Variants in NTM observed in about 807,000 individuals in gnomAD.
NTM encodes neurotrimin.
A neutral mutation model predicts 42.1 loss-of-function variants in NTM; 13 were observed. The ratio of observed to expected loss-of-function variants is 0.31; its 90% CI spans 0.20 to 0.49. The LOEUF (loss-of-function observed/expected upper bound fraction) is 0.49. Ranked by LOEUF, NTM falls within the 20% of genes least tolerant of loss-of-function variation. The probability of loss-of-function intolerance (pLI) is 0.99; values close to 1 mark genes in which losing one functional copy is unlikely to be tolerated. For synonymous variants in NTM, 187 were observed against 179.2 expected (o/e 1.04, Z -0.35); for missense variants, 373 against 452.8 (o/e 0.82, Z 1.60).
intron 1 of NTM, among the ~76,000 whole-genome samples, chr11:131,761,602 G>A (rs1411789414): frequency 6.6e-6 from 1 of 151,956 alleles, no homozygotes; most frequent in Non-Finnish European, 1.5e-5. Context: ...TCGGGAGTTG[G>A]AGACTATCCT....
chr11:131,956,365 G>A (rs980008000), intron 2 of NTM, among the ~76,000 whole-genome samples: 7 of 152,160 alleles, frequency 4.6e-5, no homozygotes, highest in Admixed American at 6.5e-5. Context: ...GCATTTGGGA[G>A]TGCGGGGATA....
chr11:131,434,545 T>A (rs989566720), intron 1 of NTM, among the ~76,000 whole-genome samples: 1 of 152,240 alleles, frequency 6.6e-6, no homozygotes, highest in Non-Finnish European at 1.5e-5. Context: ...CCAGTGATGA[T>A]GAGTGTTTTT....
intron 1 of NTM, among the ~76,000 whole-genome samples, chr11:131,748,512 C>T (rs942571687): frequency 5.3e-5 from 8 of 152,208 alleles, no homozygotes; most frequent in African/African-American, 1.9e-4. Flanking sequence ...TCTATTCATT[C>T]TCCTTTAATG....
At chr11:131,913,591 C>A (rs948231219) in intron 2 of NTM, among the ~76,000 whole-genome samples, 1 of 152,168 alleles carries the variant, frequency 6.6e-6, no homozygotes, top group African/African-American at 2.4e-5. Flanking sequence ...TCTTTGTCTT[C>A]CCTTTCATGG....
intron 1 of NTM, among the ~76,000 whole-genome samples, chr11:131,554,054 C>T (rs138879119): frequency 2.0e-5 from 3 of 152,220 alleles, no homozygotes; most frequent in East Asian, 1.9e-4. Flanking sequence ...TCTTCCTCTA[C>T]GAATGCTTCT....
rs187672171 is a variant in NTM at position 131,982,270 on chromosome 11, T to G, written c.167+70622T>G. Among the ~76,000 whole-genome samples the G allele has an allele frequency of 2.6e-3, 398 of 152,174 alleles. 4 individuals are homozygous for G. The highest frequency in any genetic ancestry group is 9.3e-3 in the African/African-American group (388 of 41,526). On this transcript the variant is annotated intron_variant, in intron 2 of 8. Coordinates refer to ENST00000683400, the MANE Select transcript of NTM (RefSeq NM_001352005.2). ...TTTTGTGCACAGGAACTTGCCCTGA[T>G]TGGAGTAGAGTTTGCAACCCTCCCC... is the stretch of plus-strand genomic sequence containing the variant.
intron 2 of NTM, among the ~76,000 whole-genome samples, chr11:131,974,081 GCTTA>G (rs2063956150): frequency 6.6e-6 from 1 of 151,494 alleles, no homozygotes; most frequent in Non-Finnish European, 1.5e-5. Flanking sequence ...CTTTTCTCTA[GCTTA>G]CTTTATTTTA....
At chr11:132,330,487 C>T (rs75066751) in intron 8 of NTM, among the ~76,000 whole-genome samples, 71 of 152,328 alleles carry the variant, frequency 4.7e-4, no homozygotes, top group African/African-American at 1.4e-3. Context: ...AGGCCTGCCT[C>T]TTTCCTCACA....
intron 1 of NTM, among the ~76,000 whole-genome samples, chr11:131,903,064 CA>C (rs965031577): frequency 6.6e-6 from 1 of 150,464 alleles, no homozygotes; most frequent in Non-Finnish European, 1.5e-5. Context: ...AGAGAGAATC[CA>C]AATAAAAAGA....
chr11:131,738,567 A>AT (rs1445647011), intron 1 of NTM, among the ~76,000 whole-genome samples: 2 of 152,188 alleles, frequency 1.3e-5, no homozygotes, highest in African/African-American at 4.8e-5. Flanking sequence ...TTCTAGAGGA[A>AT]TTTTCAGGGA....
At chr11:131,713,665 G>A (rs551951813) in intron 1 of NTM, among the ~76,000 whole-genome samples, 52 of 152,144 alleles carry the variant, frequency 3.4e-4, no homozygotes, top group Non-Finnish European at 5.0e-4. Flanking sequence ...ACTCAGGCCA[G>A]CTTCTCTTAT....
At chr11:131,487,235 G>T (rs568849632) in intron 1 of NTM, among the ~76,000 whole-genome samples, 2 of 152,144 alleles carry the variant, frequency 1.3e-5, no homozygotes, top group African/African-American at 4.8e-5. Context: ...TTATAGCCTC[G>T]TGTTTTGATT....
chr11:131,674,703 A>G (rs1256877240), intron 1 of NTM, among the ~76,000 whole-genome samples: 2 of 152,162 alleles, frequency 1.3e-5, no homozygotes, highest in African/African-American at 2.4e-5. Flanking sequence ...GAATATTGCC[A>G]TTGTTATTTG....
chr11:132,039,194 G>T (rs80188372), intron 2 of NTM, among the ~76,000 whole-genome samples: 2 of 152,042 alleles, frequency 1.3e-5, no homozygotes, highest in Non-Finnish European at 2.9e-5. Context: ...CAATTGGACC[G>T]CAGTTGGCCC....
At chr11:132,040,294 G>A (rs1349752453) in intron 2 of NTM, among the ~76,000 whole-genome samples, 2 of 152,148 alleles carry the variant, frequency 1.3e-5, no homozygotes, top group Admixed American at 1.3e-4. Flanking sequence ...TTGTATCTCA[G>A]TTTACTAGTC....
At chr11:131,398,429 GC>G (rs1425549359) in intron 1 of NTM, among the ~76,000 whole-genome samples, 22 of 151,704 alleles carry the variant, frequency 1.5e-4, no homozygotes, top group African/African-American at 4.8e-4. Flanking sequence ...CTTATTCTCT[GC>G]CATGGTTTTC....
rs145416590 is a variant in NTM, at chr11:131,758,781, G to A, written c.83-152783G>A. 7.3e-3 allele frequency among the ~76,000 whole-genome samples: 1,108 copies of A among 152,088 alleles called. 8 individuals carry two copies. The highest frequency in any genetic ancestry group is 0.025 in the African/African-American group (1,017 of 41,478). On this transcript the variant is annotated intron_variant, in intron 1 of 8. Coordinates refer to ENST00000683400, the MANE Select transcript of NTM (RefSeq NM_001352005.2). ...TCACTTTTGTATTTTTAGTAGAGAAGGGGTTTCACCATGTTGGCCAGGCTG... is the reference window on the plus strand; with the variant it reads ...TCACTTTTGTATTTTTAGTAGAGAAAGGGTTTCACCATGTTGGCCAGGCTG...
intron 1 of NTM, among the ~76,000 whole-genome samples, chr11:131,623,249 T>A (rs1317617853): frequency 1.3e-5 from 2 of 152,224 alleles, no homozygotes; most frequent in African/African-American, 4.8e-5. Context: ...TCACTTTCCT[T>A]CTCTGGGCCT....
chr11:132,112,748 C>T (rs1355257508), intron 2 of NTM, among the ~76,000 whole-genome samples: 3 of 151,660 alleles, frequency 2.0e-5, no homozygotes, highest in Non-Finnish European at 4.4e-5. Context: ...CACACACACA[C>T]ACACACACAC....
Sources: gnomAD v4.1 joint callset for allele counts (sites outside exome capture counted in the v4.1 genomes callset) on GRCh38, gnomAD v4.1.1 for gene constraint, MANE v1.5 for transcripts, NCBI Gene and HGNC (gene_info 2026-07-23, HGNC 2026-07-21) for gene names.